The following MYO3B variants were observed in gnomAD, a reference collection of about 807,000 sequenced individuals.
MYO3B encodes the protein myosin IIIB.
A neutral mutation model predicts 174.6 loss-of-function variants in MYO3B; 156 were observed. The observed-to-expected ratio is 0.89, with a 90% CI of 0.78 to 1.02. MYO3B has a LOEUF of 1.02. Ranked by LOEUF, MYO3B falls within the 50% of genes least tolerant of loss-of-function variation. The pLI, the probability that MYO3B is intolerant of heterozygous loss-of-function variation, is 0.00. For missense variants in MYO3B, 1,632 were observed against 1,639.4 expected, an observed-to-expected ratio of 1.00 and a Z score of 0.08; for synonymous variants, 563 against 569.1, an observed-to-expected ratio of 0.99 and a Z score of 0.15.
chr2:170,234,298 C>T (rs1039695278), intron 6 of MYO3B, among the ~76,000 whole-genome samples: 2 of 151,954 alleles, frequency 1.3e-5, no homozygotes, highest in Non-Finnish European at 2.9e-5. Flanking sequence ...TTTATTTTCT[C>T]ACAGTTCTAG....
At chr2:170,493,353 A>G (rs994617526) in intron 25 of MYO3B, among the ~76,000 whole-genome samples, 1 of 152,120 alleles carries the variant, frequency 6.6e-6, no homozygotes, top group Non-Finnish European at 1.5e-5. Flanking sequence ...TTCCCCTTGC[A>G]TCAAAAATTA....
chr2:170,578,825 G>C (rs1409696566), intron 32 of MYO3B, among the ~76,000 whole-genome samples: 4 of 152,244 alleles, frequency 2.6e-5, no homozygotes, highest in African/African-American at 9.6e-5. Flanking sequence ...GCATTACGCA[G>C]AGGGCCTTGA....
intron 16 of MYO3B, among the ~76,000 whole-genome samples, chr2:170,397,162 G>C (rs1183852204): frequency 6.6e-6 from 1 of 152,130 alleles, no homozygotes; most frequent in African/African-American, 2.4e-5. Flanking sequence ...ATGACATATT[G>C]CCTTTGATTT....
chr2:170,361,259 A>G (rs1194943252), intron 8 of MYO3B, among the ~76,000 whole-genome samples: 3 of 152,244 alleles, frequency 2.0e-5, no homozygotes, highest in East Asian at 1.9e-4. Context: ...GCATTTGAAC[A>G]TAGACTAACA....
chr2:170,639,782 A>G (rs943484996), intron 32 of MYO3B, among the ~76,000 whole-genome samples: 3 of 152,196 alleles, frequency 2.0e-5, no homozygotes, highest in African/African-American at 7.2e-5. Flanking sequence ...TACAACCTCC[A>G]GAAGAGCACT....
chr2:170,266,531 G>A (rs1423410054), intron 7 of MYO3B, among the ~76,000 whole-genome samples: 1 of 152,098 alleles, frequency 6.6e-6, no homozygotes, highest in Non-Finnish European at 1.5e-5. Context: ...TTTTGTCAAA[G>A]AGTCCTGTGC....
intron 25 of MYO3B, 102 bp downstream of exon 25, chr2:170,466,813 T>A: frequency 1.6e-6 from 2 of 1,218,628 alleles, no homozygotes; most frequent in Non-Finnish European, 2.3e-6. Context: ...CCTCCAAACA[T>A]GTAATTGGCT....
At position 170,210,246 on chromosome 2, in the gene MYO3B, C is replaced by T. The variant is rs188776958; in HGVS notation, c.322-4133C>T. The stretch of plus-strand genomic sequence containing the variant: ...CCCTTTTGAATTTAGTCAATCTGTT[C>T]ACACACTGAATTTTTGCAATATTAA... On this transcript the variant is annotated intron_variant, in intron 3 of 34. Coordinates refer to ENST00000408978, the MANE Select transcript of MYO3B (RefSeq NM_138995.5). 5.3e-5 allele frequency among the ~76,000 whole-genome samples: 8 copies of T among 152,300 alleles called. No individual in the cohort carries two copies. In the East Asian group the frequency reaches 1.5e-3, roughly 29 times the overall value.
intron 32 of MYO3B, among the ~76,000 whole-genome samples, chr2:170,598,671 A>G (rs1694300231): frequency 6.6e-6 from 1 of 152,166 alleles, no homozygotes; most frequent in South Asian, 2.1e-4. Context: ...AAGGACACAG[A>G]GTGTAGTTGT....
chr2:170,199,345 A>G lies in MYO3B; in HGVS notation c.140A>G (p.Lys47Arg). The G allele has an allele frequency of 3.1e-6, 5 of 1,613,244 alleles. No individual in the cohort carries two copies. The highest frequency in any genetic ancestry group is 1.1e-5 in the South Asian group (1 of 90,960). Reference protein sequence around the residue: ...TYGKVYKVTNKRDGSLAAVKI... With the variant: ...TYGKVYKVTNRRDGSLAAVKI... The stretch of plus-strand genomic sequence containing the variant: ...GGCAAAGTCTACAAGGTAACTAACA[A>G]GAGAGATGGGAGCCTGGCTGCAGTG... Residue 47 changes from lysine to arginine, a missense_variant, in exon 2 of 35, where the codon AAG becomes AGG. Coordinates refer to ENST00000408978, the MANE Select transcript of MYO3B (RefSeq NM_138995.5).
At chr2:170,409,164 TCA>T (rs1381013273) in intron 22 of MYO3B, among the ~76,000 whole-genome samples, 1 of 152,240 alleles carries the variant, frequency 6.6e-6, no homozygotes, top group Non-Finnish European at 1.5e-5. Flanking sequence ...TCAAATCTGT[TCA>T]CAACTTCGGA....
intron 6 of MYO3B, among the ~76,000 whole-genome samples, chr2:170,219,975 G>C (rs2092874890): frequency 6.6e-6 from 1 of 152,132 alleles, no homozygotes; most frequent in Non-Finnish European, 1.5e-5. Flanking sequence ...AGAGGTGTTT[G>C]TGGCCGGGTG....
intron 28 of MYO3B, among the ~76,000 whole-genome samples, chr2:170,502,207 C>G (rs974293513): frequency 6.6e-6 from 1 of 152,076 alleles, no homozygotes; most frequent in African/African-American, 2.4e-5. Context: ...GAACACAGGC[C>G]GTTTGGATAG....
At chr2:170,460,365 G>C (rs1684204463) in intron 23 of MYO3B, among the ~76,000 whole-genome samples, 1 of 151,490 alleles carries the variant, frequency 6.6e-6, no homozygotes, top group Non-Finnish European at 1.5e-5. Context: ...GTGTGCAGCT[G>C]TAATCCCAGC....
At chr2:170,547,306 G>T (rs1690577176) in intron 32 of MYO3B, among the ~76,000 whole-genome samples, 1 of 151,640 alleles carries the variant, frequency 6.6e-6, no homozygotes, top group Non-Finnish European at 1.5e-5. Context: ...CTCCAGCCTG[G>T]GCGACAGAGC....
chr2:170,244,991 G>A (rs1310887455), intron 7 of MYO3B, among the ~76,000 whole-genome samples: 4 of 152,144 alleles, frequency 2.6e-5, no homozygotes, highest in Admixed American at 6.5e-5. Flanking sequence ...CACACTGGCT[G>A]GGGTAAAATT....
chr2:170,199,298 G>C lies in MYO3B; in HGVS notation c.93G>C (p.Glu31Asp). The stretch of plus-strand genomic sequence containing the variant: ...CCACAGACACCTGGGAAATTATAGA[G>C]ACCATTGGTAAAGGCACCTATGGCA... Reference protein sequence around the residue: ...PDPTDTWEIIETIGKGTYGKV... With the variant: ...PDPTDTWEIIDTIGKGTYGKV... Residue 31 changes from glutamate (E) to aspartate (D), a missense_variant, in exon 2 of 35, where the codon GAG becomes GAC. Glu to Asp is a conservative substitution (Grantham distance 45). Transcript: ENST00000408978. The C allele has an allele frequency of 2.5e-6, 4 of 1,613,410 alleles. No homozygotes were observed. Among genetic ancestry groups the C allele is most frequent in the Non-Finnish European group, 2.5e-6 (3 of 1,179,564 alleles).
chr2:170,639,993 C>T (rs1333918983), intron 32 of MYO3B, among the ~76,000 whole-genome samples: 1 of 152,190 alleles, frequency 6.6e-6, no homozygotes, highest in Admixed American at 6.5e-5. Flanking sequence ...ATCCAGAATT[C>T]CTTTTGTCCA....
chr2:170,190,070 A>C (rs910770003), intron 1 of MYO3B, among the ~76,000 whole-genome samples: 1 of 152,240 alleles, frequency 6.6e-6, no homozygotes, highest in Non-Finnish European at 1.5e-5. Context: ...CCCCAAGCCC[A>C]GTAACACTGT....
Sources: allele counts gnomAD v4.1 joint callset (sites outside exome capture counted in the v4.1 genomes callset), GRCh38; gene constraint gnomAD v4.1.1; transcripts MANE v1.5; gene names NCBI Gene and HGNC (gene_info 2026-07-23, HGNC 2026-07-21).